Variants in NR1D2 observed in about 807,000 individuals in gnomAD.
NR1D2 encodes nuclear receptor subfamily 1 group D member 2, also known as V-erbA-related protein 1-related.
NR1D2 carries 25 observed loss-of-function variants against 52.2 expected under a neutral mutation model. The ratio of observed to expected loss-of-function variants is 0.48; its 90% CI spans 0.35 to 0.67. The LOEUF (loss-of-function observed/expected upper bound fraction) is 0.67. NR1D2 is among the 30% of genes least tolerant of loss of function. NR1D2 has a pLI of 0.01. For missense variants in NR1D2, 681 were observed against 707.2 expected (o/e 0.96, Z 0.42); for synonymous variants, 259 against 230.1 (o/e 1.13, Z -1.14).
chr3:23,954,438 C>T, intron 1 of NR1D2, 99 bp from the exon 2 acceptor site: 4 of 968,354 alleles, frequency 4.1e-6, no homozygotes, highest in Non-Finnish European at 6.3e-6. Context: ...ATATCAGTAT[C>T]CTGTTTCTAA....
rs1194865334 is a variant in NR1D2, at chr3:23,962,092, A to G, written c.633A>G (p.Thr211=). The change falls in exon 5 of 8, where the codon ACA becomes ACG. Residue 211 remains threonine, a synonymous_variant. Coordinates refer to ENST00000312521, the MANE Select transcript of NR1D2 (RefSeq NM_005126.5). ...TCAGTGGTCACTTGCAAAATGACAC[A>G]TTAGTAGAACATCATGAACAGACAG... ...SQFSGHLQND[T]LVEHHEQTAL... 5 of 1,614,108 alleles carry G rather than the reference A, an allele frequency of 3.1e-6. No individual in the cohort carries two copies. The highest frequency in any genetic ancestry group is 3.4e-6 in the Non-Finnish European group (4 of 1,180,054).
chr3:23,961,308 G>C (rs1190422541), intron 4 of NR1D2, among the ~76,000 whole-genome samples: 1 of 149,794 alleles, frequency 6.7e-6, no homozygotes, highest in South Asian at 2.1e-4. Context: ...AGCTTTGTTA[G>C]TAAGGAGCTG....
At chr3:23,952,838 T>C (rs1437760388) in intron 1 of NR1D2, among the ~76,000 whole-genome samples, 1 of 152,170 alleles carries the variant, frequency 6.6e-6, no homozygotes, top group Non-Finnish European at 1.5e-5. Flanking sequence ...AGAGTTGTGG[T>C]TGTGCTTTCC....
intron 1 of NR1D2, among the ~76,000 whole-genome samples, chr3:23,953,009 T>C (rs1212086482): frequency 6.6e-6 from 1 of 151,966 alleles, no homozygotes; most frequent in African/African-American, 2.4e-5. Context: ...GGGATTGTTT[T>C]GGCCTCAGCA....
At chr3:23,969,751 T>A (rs537793674) in intron 7 of NR1D2, among the ~76,000 whole-genome samples, 1 of 152,354 alleles carries the variant, frequency 6.6e-6, no homozygotes, top group African/African-American at 2.4e-5. Flanking sequence ...TTTATGCTAC[T>A]AAACCGTGTA....
chr3:23,958,779 C>G (rs1031476421), intron 3 of NR1D2, among the ~76,000 whole-genome samples: 9 of 151,634 alleles, frequency 5.9e-5, no homozygotes, highest in Admixed American at 5.9e-4. Flanking sequence ...GAAACCCTGT[C>G]TCTACTAAAA....
chr3:23,947,063 T>C (rs537873490), intron 1 of NR1D2, among the ~76,000 whole-genome samples: 1 of 152,326 alleles, frequency 6.6e-6, no homozygotes, highest in East Asian at 1.9e-4. Flanking sequence ...AAAATCTGGA[T>C]CTAATTGTGT....
chr3:23,968,194 A>G (rs375721521), intron 7 of NR1D2, among the ~76,000 whole-genome samples, 171 bp downstream of exon 7: 5 of 152,358 alleles, frequency 3.3e-5, no homozygotes, highest in Admixed American at 6.5e-5. Context: ...TCGTTATAAC[A>G]ATATATGTCA....
intron 4 of NR1D2, among the ~76,000 whole-genome samples, chr3:23,961,389 C>CTTTTTTTTTTTTTTTTTTTTTTT (rs869108010): frequency 2.8e-4 from 21 of 76,004 alleles, no homozygotes; most frequent in Non-Finnish European, 3.9e-4. Flanking sequence ...CTTTTTCTTT[C>CTTTTTTTTTTTTTTTTTTTTTTT]TTTTTTTTTT....
chr3:23,954,164 C>T (rs1417278515), intron 1 of NR1D2, among the ~76,000 whole-genome samples: 4 of 152,156 alleles, frequency 2.6e-5, no homozygotes, highest in Non-Finnish European at 4.4e-5. Context: ...GTGCAAACCA[C>T]ATGCAGCAAG....
rs534667474 is a variant in NR1D2 at position 23,965,513 on chromosome 3, G to C, written c.1332+351G>C. Among the ~76,000 whole-genome samples the C allele has an allele frequency of 2.0e-5, 3 of 151,566 alleles. No individual in the cohort carries two copies. The East Asian group carries it at 5.8e-4, about 30-fold the overall frequency. ...TCTGCCCACTTTGGCCTCCTAAAGT[G>C]CTGGGATTACAGGTCTGAGCCACTG... is the stretch of plus-strand genomic sequence containing the variant. On this transcript the variant is annotated intron_variant, in intron 6 of 7. Transcript: ENST00000312521.
At position 23,954,520 on chromosome 3, in the gene NR1D2, T is replaced by TTCC; in HGVS notation, c.17-12_17-10dup. The TTCC allele has an allele frequency of 6.2e-7, 1 of 1,602,652 alleles. No homozygotes were observed. The highest frequency in any genetic ancestry group is 8.5e-7 in the Non-Finnish European group (1 of 1,171,356). ...TTATCTTGTATCTAATTATGTGATTTTCCTCCTATTTTCTAGGAGGTGTGA... is the reference window on the plus strand; with the variant it reads ...TTATCTTGTATCTAATTATGTGATTTTCCTCCTCCTATTTTCTAGGAGGTGTGA... On this transcript the variant is annotated splice_polypyrimidine_tract_variant and intron_variant, in intron 1 of 7. Coordinates refer to ENST00000312521, the MANE Select transcript of NR1D2 (RefSeq NM_005126.5).
At chr3:23,958,421 A>G (rs901316177) in intron 3 of NR1D2, among the ~76,000 whole-genome samples, 6 of 152,074 alleles carry the variant, frequency 3.9e-5, no homozygotes, top group Non-Finnish European at 7.4e-5. Flanking sequence ...CTGAAGCTGT[A>G]GGATTGCTTG....
At chr3:23,960,165 T>G (rs987577021) in intron 4 of NR1D2, among the ~76,000 whole-genome samples, 4 of 152,120 alleles carry the variant, frequency 2.6e-5, no homozygotes, top group African/African-American at 9.6e-5. Flanking sequence ...TCCCAACACT[T>G]TGGGAGGCTG....
chr3:23,959,022 C>A (rs1311709415), intron 3 of NR1D2, among the ~76,000 whole-genome samples: 1 of 152,156 alleles, frequency 6.6e-6, no homozygotes, highest in Non-Finnish European at 1.5e-5. Context: ...AAGTCTAACA[C>A]TTCGGGAGGC....
chr3:23,955,644 C>T (rs1364586391), intron 2 of NR1D2, among the ~76,000 whole-genome samples: 1 of 151,782 alleles, frequency 6.6e-6, no homozygotes, highest in African/African-American at 2.4e-5. Flanking sequence ...ATGGCAAAAC[C>T]CCATCTCTAC....
At chr3:23,948,800 T>C (rs1012079752) in intron 1 of NR1D2, among the ~76,000 whole-genome samples, 2 of 152,256 alleles carry the variant, frequency 1.3e-5, no homozygotes, top group Non-Finnish European at 2.9e-5. Context: ...TAATGTACTT[T>C]AGCCTGCATA....
chr3:23,950,212 A>G lies in NR1D2; in HGVS notation c.17-4325A>G, dbSNP rs138340875. Among the ~76,000 whole-genome samples, 72 of 152,336 alleles carry G rather than the reference A, an allele frequency of 4.7e-4. 3 individuals are homozygous for G. The East Asian group carries it at 0.012, about 26-fold the overall frequency. On this transcript the variant is annotated intron_variant, in intron 1 of 7. Transcript: ENST00000312521. ...CTTGTAATAAGTGGCAGATATTCCA[A>G]TTTTATAGAAGACCACTCAGGTTTA...
At chr3:23,947,513 G>A (rs554319743) in intron 1 of NR1D2, among the ~76,000 whole-genome samples, 6 of 152,320 alleles carry the variant, frequency 3.9e-5, no homozygotes, top group African/African-American at 1.2e-4. Flanking sequence ...TGATTATCAA[G>A]TTCCAAGTTG....
Sources: allele counts gnomAD v4.1 joint callset (sites outside exome capture counted in the v4.1 genomes callset), GRCh38; gene constraint gnomAD v4.1.1; transcripts MANE v1.5; gene names NCBI Gene and HGNC (gene_info 2026-07-23, HGNC 2026-07-21).